FBXL13: variants seen among roughly 807,000 people sequenced by gnomAD.
FBXL13 encodes the protein F-box and leucine-rich repeat protein 13.
In FBXL13, 67 loss-of-function variants were observed where a neutral mutation model predicts 83.6. The ratio of observed to expected loss-of-function variants is 0.80; its 90% CI spans 0.66 to 0.98. The LOEUF (loss-of-function observed/expected upper bound fraction) is 0.98. Among genes scored for constraint, FBXL13 ranks in the 50% least tolerant of loss-of-function variants. FBXL13 has a pLI of 0.00. For synonymous variants in FBXL13, 272 were observed against 299.5 expected (o/e 0.91, Z 0.95); for missense variants, 822 against 866.5 (o/e 0.95, Z 0.64).
Position 102,972,220 on chromosome 7 carries a change from A to AC in FBXL13, c.496-4104_496-4103insG, listed in dbSNP as rs144730339. Among the ~76,000 whole-genome samples the AC allele has an allele frequency of 3.7e-3, 569 of 152,290 alleles. 5 individuals carry two copies. The highest frequency in any genetic ancestry group is 0.014 in the African/African-American group (562 of 41,560). ...AACTTTATAAAACAGTATCATGATG[A>AC]AAACGTGGGGGTAGAACAATAAGAT... On this transcript the variant is annotated intron_variant, in intron 6 of 19. Coordinates refer to ENST00000313221, the Ensembl canonical transcript of FBXL13.
intron 16 of FBXL13, among the ~76,000 whole-genome samples, chr7:102,871,951 C>T (rs1159077049): frequency 6.6e-6 from 1 of 152,082 alleles, no homozygotes; most frequent in Non-Finnish European, 1.5e-5. Flanking sequence ...TTCAGTCTGT[C>T]CCCCAGAGAA....
At chr7:102,939,827 A>C (rs1821049538) in intron 8 of FBXL13, among the ~76,000 whole-genome samples, 1 of 152,212 alleles carries the variant, frequency 6.6e-6, no homozygotes. Flanking sequence ...CAGTTAGCCC[A>C]AATAGTGTGT....
At chr7:103,023,498 A>G (rs1394477013) in intron 6 of FBXL13, among the ~76,000 whole-genome samples, 1 of 152,194 alleles carries the variant, frequency 6.6e-6, no homozygotes, top group African/African-American at 2.4e-5. Context: ...TTACAGAGAA[A>G]AGGAAATGCT....
intron 18 of FBXL13, among the ~76,000 whole-genome samples, chr7:102,826,508 G>A (rs1004722520): frequency 1.3e-5 from 2 of 151,422 alleles, no homozygotes; most frequent in African/African-American, 4.9e-5. Flanking sequence ...GGCTGAGGCA[G>A]GTGGATCACT....
chr7:102,881,470 C>T (rs572756963), intron 14 of FBXL13, among the ~76,000 whole-genome samples: 11 of 151,070 alleles, frequency 7.3e-5, no homozygotes, highest in East Asian at 3.9e-4. Flanking sequence ...ATAATTAACC[C>T]GCAGAAGCCT....
At chr7:102,975,982 GC>G in intron 6 of FBXL13, 1 of 766,274 alleles carries the variant, frequency 1.3e-6, no homozygotes, top group Non-Finnish European at 2.4e-6. Flanking sequence ...GGCAATGAAG[GC>G]CACTGGCCCA....
intron 8 of FBXL13, chr7:102,944,369 A>G (rs564698990): frequency 1.9e-6 from 3 of 1,614,092 alleles, no homozygotes; most frequent in East Asian, 4.5e-5. Context: ...TACCTCTACT[A>G]CTGGTTAAAG....
At chr7:102,924,642 T>TG (rs1027636329) in intron 10 of FBXL13, among the ~76,000 whole-genome samples, 9 of 36,662 alleles carry the variant, frequency 2.5e-4, no homozygotes, top group Non-Finnish European at 9.4e-4. Flanking sequence ...TAAGCTTTTC[T>TG]TTTTTTTTTT....
chr7:102,917,439 T>C (rs1267546406), intron 10 of FBXL13, among the ~76,000 whole-genome samples: 2 of 152,188 alleles, frequency 1.3e-5, no homozygotes, highest in Non-Finnish European at 2.9e-5. Flanking sequence ...AGTTGATCAA[T>C]ACATGGTGAA....
intron 8 of FBXL13, among the ~76,000 whole-genome samples, chr7:102,940,188 C>A (rs1739983196): frequency 6.6e-6 from 1 of 151,006 alleles, no homozygotes; most frequent in Non-Finnish European, 1.5e-5. Flanking sequence ...GCCACCGCGC[C>A]TGGCCAAATG....
chr7:102,836,889 T>G (rs1354567998), intron 17 of FBXL13, among the ~76,000 whole-genome samples: 1 of 152,236 alleles, frequency 6.6e-6, no homozygotes, highest in African/African-American at 2.4e-5. Context: ...TGTTGCATAC[T>G]CATAACACCA....
chr7:103,018,905 T>C (rs1250073029), intron 6 of FBXL13, among the ~76,000 whole-genome samples: 1 of 149,134 alleles, frequency 6.7e-6, no homozygotes, highest in Middle Eastern at 3.4e-3. Flanking sequence ...CTGTCAACAT[T>C]AGACAGATCG....
chr7:103,032,839 C>T (rs1369683467), intron 2 of FBXL13, among the ~76,000 whole-genome samples: 1 of 152,132 alleles, frequency 6.6e-6, no homozygotes. Context: ...AGAGTAGCCT[C>T]GGCAACATAG....
At chr7:103,069,987 G>A (rs1029191508) in intron 1 of FBXL13, among the ~76,000 whole-genome samples, 13 of 151,150 alleles carry the variant, frequency 8.6e-5, no homozygotes, top group South Asian at 2.1e-4. Flanking sequence ...GCTGAGGCAG[G>A]AGAATGGCGT....
chr7:102,910,386 CT>C (rs146497451), intron 11 of FBXL13, among the ~76,000 whole-genome samples: 25 of 148,628 alleles, frequency 1.7e-4, no homozygotes, highest in South Asian at 6.5e-4. Flanking sequence ...CTTTTTCTTT[CT>C]TTTTTTTTTC....
At chr7:102,812,655 A>C (rs937694196), downstream of FBXL13, among the ~76,000 whole-genome samples, 2 of 152,180 alleles carry the variant, frequency 1.3e-5, no homozygotes, top group African/African-American at 4.8e-5. Context: ...TCAAACTCTT[A>C]GTTTGACATA....
chr7:102,851,553 TTCTCTC>T (rs10602252), intron 17 of FBXL13, among the ~76,000 whole-genome samples: 59 of 143,580 alleles, frequency 4.1e-4, no homozygotes, highest in African/African-American at 9.5e-4. Flanking sequence ...TTCCTTCTTC[TTCTCTC>T]TCTCTCTCTC....
At chr7:102,969,516 A>C (rs1295704515) in intron 6 of FBXL13, among the ~76,000 whole-genome samples, 2 of 151,932 alleles carry the variant, frequency 1.3e-5, no homozygotes, top group Non-Finnish European at 2.9e-5. Context: ...GAGAGAGAGA[A>C]ATCCAGGATT....
intron 6 of FBXL13, among the ~76,000 whole-genome samples, chr7:102,970,458 T>C (rs1331092221): frequency 6.6e-6 from 1 of 152,208 alleles, no homozygotes; most frequent in Non-Finnish European, 1.5e-5. Flanking sequence ...TTGTTACCTT[T>C]GTAAATGGAT....
Sources: gnomAD v4.1 joint callset for allele counts (sites outside exome capture counted in the v4.1 genomes callset) on GRCh38, gnomAD v4.1.1 for gene constraint, MANE v1.5 for transcripts, NCBI Gene and HGNC (gene_info 2026-07-23, HGNC 2026-07-21) for gene names.